The following RAB14 variants were observed in gnomAD, a reference collection of about 807,000 sequenced individuals.
RAB14 encodes ras-related protein Rab-14.
RAB14 carries 3 observed loss-of-function variants against 31.1 expected under a neutral mutation model. The observed-to-expected ratio is 0.10, with a 90% confidence interval of 0.04 to 0.25. RAB14 has a LOEUF of 0.25. Among genes scored for constraint, RAB14 ranks in the 10% least tolerant of loss-of-function variants. The probability of loss-of-function intolerance (pLI) is 1.00; values close to 1 mark genes in which losing one functional copy is unlikely to be tolerated. For missense variants in RAB14, 111 were observed against 260.1 expected (o/e 0.43, Z 3.94); for synonymous variants, 85 against 84.9 (o/e 1.00, Z 0.00).
intron 1 of RAB14, among the ~76,000 whole-genome samples, chr9:121,200,191 C>T (rs2053751892): frequency 6.6e-6 from 1 of 152,120 alleles, no homozygotes; most frequent in African/African-American, 2.4e-5. Context: ...CCACGACATA[C>T]CTCTAGGCAT....
intron 1 of RAB14, among the ~76,000 whole-genome samples, chr9:121,201,400 G>C (rs958802838): frequency 4.6e-5 from 7 of 152,174 alleles, no homozygotes; most frequent in African/African-American, 1.7e-4. Context: ...CGGTTGGGGA[G>C]GGCAGGAGGC....
chr9:121,192,354 T>A (rs1275852157), intron 2 of RAB14, 130 bp from the exon 3 acceptor site: 6 of 534,610 alleles, frequency 1.1e-5, no homozygotes, highest in Admixed American at 3.5e-5. Flanking sequence ...TTTCCTACTT[T>A]ATAATGATTC....
chr9:121,185,746 C>T (rs369713585), intron 5 of RAB14, among the ~76,000 whole-genome samples: 2 of 152,136 alleles, frequency 1.3e-5, no homozygotes, highest in East Asian at 1.9e-4. Context: ...TTCATTCCTA[C>T]GTACGGCTTA....
At chr9:121,192,281 G>A (rs946874022) in intron 2 of RAB14, 57 bp from the exon 3 acceptor site, 1 of 1,317,392 alleles carries the variant, frequency 7.6e-7, no homozygotes, top group Non-Finnish European at 1.1e-6. Flanking sequence ...TTTATGCAAT[G>A]ATCGCTATAT....
Position 121,179,138 on chromosome 9 carries a change from G to A in RAB14, c.*2258C>T, listed in dbSNP as rs1212647489. ...TGTAAACACAAGAATAAAGCTGTGGGTCTATTACTTAGTGATGTGGTTTTA... is the reference window on the plus strand; with the variant it reads ...TGTAAACACAAGAATAAAGCTGTGGATCTATTACTTAGTGATGTGGTTTTA... On this transcript the variant is annotated 3_prime_UTR_variant, in exon 8 of 8. Coordinates refer to ENST00000373840, the MANE Select transcript of RAB14 (RefSeq NM_016322.4). 1 of 152,144 alleles carries A rather than the reference G, an allele frequency of 6.6e-6. No homozygotes were observed. Among genetic ancestry groups the A allele is most frequent in the East Asian group, 1.9e-4 (1 of 5,198 alleles). 9.4% of individuals were successfully genotyped at this position (152,144 alleles called of 1,614,324 possible). A position where few individuals can be genotyped will look rare whatever the true frequency, so the allele number is the denominator to read the frequency against.
intron 2 of RAB14, among the ~76,000 whole-genome samples, chr9:121,192,447 T>C (rs2053692043): frequency 1.3e-5 from 2 of 152,152 alleles, no homozygotes; most frequent in Non-Finnish European, 2.9e-5. Context: ...TTATTACTGT[T>C]AATAAATAGC....
chr9:121,182,921 C>G lies in RAB14; in HGVS notation c.470+9G>C, dbSNP rs1219720706. On this transcript the variant is annotated intron_variant, in intron 7 of 7. Transcript: ENST00000373840. Reference sequence around the variant, plus strand: ...ATAATTGAAATATCTGTATTTTGGTCACACTTACGTTTTTGCACTCGCTTC... The same window carrying G: ...ATAATTGAAATATCTGTATTTTGGTGACACTTACGTTTTTGCACTCGCTTC... 2 of 1,603,684 alleles carry G rather than the reference C, an allele frequency of 1.2e-6. No individual in the cohort carries two copies. The highest frequency in any genetic ancestry group is 2.7e-5 in the African/African-American group (2 of 74,672).
At position 121,178,535 on chromosome 9, in the gene RAB14, TCA is replaced by T. The variant is rs978238588; in HGVS notation, c.*2859_*2860del. 8 of 152,598 alleles carry T rather than the reference TCA, an allele frequency of 5.2e-5. No individual in the cohort carries two copies. The highest frequency in any genetic ancestry group is 1.3e-4 in the Admixed American group (2 of 15,292). 9.5% of individuals were successfully genotyped at this position (152,598 alleles called of 1,614,324 possible). ...AACTGAACCACTCATTTTTTTAAAA[TCA>T]CACTTAAAAGACACATGGGCAAAAA... On this transcript the variant is annotated 3_prime_UTR_variant, in exon 8 of 8. Transcript: ENST00000373840.
intron 6 of RAB14, 71 bp downstream of exon 6, chr9:121,183,240 A>G (rs2053642834): frequency 7.6e-7 from 1 of 1,317,928 alleles, no homozygotes; most frequent in South Asian, 1.3e-5. Flanking sequence ...AAAAAAACCA[A>G]CAAAACTGTC....
At chr9:121,190,826 T>C in intron 3 of RAB14, 95 bp from the exon 4 acceptor site, 1 of 1,212,160 alleles carries the variant, frequency 8.2e-7, no homozygotes, top group Non-Finnish European at 1.2e-6. Context: ...AATGGCTTAC[T>C]AATACTTACA....
intron 1 of RAB14, among the ~76,000 whole-genome samples, chr9:121,201,136 A>G (rs2416819): frequency 0.7 from 105,890 of 151,868 alleles, 37,417 homozygotes; most frequent in East Asian, 0.96. Context: ...CCGAGACGCC[A>G]AGAGGGCTGC....
chr9:121,196,286 A>G (rs2053716620), intron 1 of RAB14, among the ~76,000 whole-genome samples: 1 of 152,204 alleles, frequency 6.6e-6, no homozygotes, highest in Non-Finnish European at 1.5e-5. Flanking sequence ...AATCAAGTTC[A>G]TATGTAAGTA....
chr9:121,187,083 T>A, intron 4 of RAB14, 64 bp from the exon 5 acceptor site: 1 of 932,642 alleles, frequency 1.1e-6, no homozygotes, highest in Non-Finnish European at 1.6e-6. Flanking sequence ...CTTAAATATT[T>A]AAAATACATA....
intron 5 of RAB14, among the ~76,000 whole-genome samples, chr9:121,184,662 T>C (rs1340814388): frequency 6.6e-6 from 1 of 152,164 alleles, no homozygotes; most frequent in African/African-American, 2.4e-5. Flanking sequence ...AACCAAATAA[T>C]CATTTTTATC....
intron 5 of RAB14, among the ~76,000 whole-genome samples, chr9:121,185,396 A>G (rs894595405): frequency 6.6e-6 from 1 of 152,170 alleles, no homozygotes; most frequent in Non-Finnish European, 1.5e-5. Context: ...TTCAGATTTC[A>G]GTTTTTACAC....
chr9:121,197,114 A>G (rs1412422198), intron 1 of RAB14, among the ~76,000 whole-genome samples: 4 of 152,216 alleles, frequency 2.6e-5, no homozygotes, highest in Non-Finnish European at 4.4e-5. Context: ...GACTGATAAA[A>G]TAAAAATCAG....
At position 121,190,537 on chromosome 9, in the gene RAB14, GA is replaced by G; in HGVS notation, c.284+16del. ...GATTTATTTTCCCCATATGAAGGTT[GA>G]AAAATTATCTCTTACCTAGTGATAT... On this transcript the variant is annotated intron_variant, in intron 4 of 7. Coordinates refer to ENST00000373840, the MANE Select transcript of RAB14 (RefSeq NM_016322.4). 1 of 1,546,248 alleles carries G rather than the reference GA, an allele frequency of 6.5e-7. No individual in the cohort carries two copies. Among genetic ancestry groups the G allele is most frequent in the Non-Finnish European group, 8.7e-7 (1 of 1,144,904 alleles).
In RAB14 at chr9:121,181,553, G is replaced by A. The variant is rs754517617; in HGVS notation, c.491C>T (p.Ala164Val). 1.2e-6 allele frequency: 2 copies of A among 1,611,802 alleles called. No homozygotes were observed. The highest frequency in any genetic ancestry group is 8.5e-7 in the Non-Finnish European group (1 of 1,178,276). ...SAKTGENVED[A>V]FLEAAKKIYQ... The stretch of plus-strand genomic sequence containing the variant: ...GATTTTCTTGGCAGCCTCAAGGAAG[G>A]CATCTTCTACATTCTCTCCCCTAAG... The change falls in exon 8 of 8, where the codon GCC (alanine) becomes GTC (valine). Residue 164 changes from alanine (A) to valine (V), a missense_variant. Ala to Val is a moderately conservative substitution (Grantham distance 64). Coordinates refer to ENST00000373840, the MANE Select transcript of RAB14 (RefSeq NM_016322.4).
In RAB14 at chr9:121,182,950, G is replaced by A. The variant is rs2053641247; in HGVS notation, c.450C>T (p.Phe150=). 5.0e-6 allele frequency: 8 copies of A among 1,604,826 alleles called. No homozygotes were observed. Among genetic ancestry groups the A allele is most frequent in the Non-Finnish European group, 5.1e-6 (6 of 1,173,578 alleles). ...KQFAEENGLL[F]LEASAKTGEN... is the part of the protein sequence containing the mutation. ...CTTACGTTTTTGCACTCGCTTCGAG[G>A]AACAATAAGCCTAAAAATAAAATTC... The change falls in exon 7 of 8, where the codon TTC becomes TTT. Residue 150 remains phenylalanine (F), a synonymous_variant. Coordinates refer to ENST00000373840, the MANE Select transcript of RAB14 (RefSeq NM_016322.4).
Sources: allele counts gnomAD v4.1 joint callset (sites outside exome capture counted in the v4.1 genomes callset), GRCh38; gene constraint gnomAD v4.1.1; transcripts MANE v1.5; gene names NCBI Gene and HGNC (gene_info 2026-07-23, HGNC 2026-07-21).